Variants in FMNL2 observed in about 807,000 individuals in gnomAD.
The protein encoded by FMNL2 is formin like 2, also known as formin-like protein 2.
A neutral mutation model predicts 130.2 loss-of-function variants in FMNL2; 51 were observed. The observed-to-expected ratio is 0.39, with a 90% CI of 0.31 to 0.49. The LOEUF (loss-of-function observed/expected upper bound fraction) is 0.49. Among genes scored for constraint, FMNL2 ranks in the 20% least tolerant of loss-of-function variants. The probability of loss-of-function intolerance (pLI) is 0.85; values close to 1 mark genes in which losing one functional copy is unlikely to be tolerated. For missense variants in FMNL2, 977 were observed against 1,316.2 expected, an observed-to-expected ratio of 0.74 and a Z score of 3.99; for synonymous variants, 465 against 467.1, an observed-to-expected ratio of 1.00 and a Z score of 0.06.
intron 1 of FMNL2, among the ~76,000 whole-genome samples, chr2:152,369,521 G>A (rs752681134): frequency 2.0e-5 from 3 of 152,186 alleles, no homozygotes; most frequent in Non-Finnish European, 4.4e-5. Context: ...CTGAATCCCT[G>A]CTAATCCTCA....
intron 1 of FMNL2, among the ~76,000 whole-genome samples, chr2:152,505,262 G>A (rs1692099128): frequency 6.6e-6 from 1 of 152,022 alleles, no homozygotes; most frequent in Non-Finnish European, 1.5e-5. Flanking sequence ...CCAGCCACTG[G>A]GTTTCTTGGG....
At chr2:152,601,977 C>T (rs1698105174) in intron 9 of FMNL2, among the ~76,000 whole-genome samples, 1 of 152,140 alleles carries the variant, frequency 6.6e-6, no homozygotes, top group Non-Finnish European at 1.5e-5. Flanking sequence ...GCCTAAGGCT[C>T]TCAACTTGAT....
chr2:152,413,713 G>A (rs80241028), intron 1 of FMNL2, among the ~76,000 whole-genome samples: 10,239 of 152,270 alleles, frequency 0.067, 608 homozygotes, highest in Admixed American at 0.2. Context: ...AGGAACAAGG[G>A]CTTTCTAAAT....
intron 2 of FMNL2, among the ~76,000 whole-genome samples, chr2:152,535,271 A>G (rs1186606443): frequency 6.6e-6 from 1 of 152,104 alleles, no homozygotes; most frequent in South Asian, 2.1e-4. Flanking sequence ...TTTTGTTCCC[A>G]TGTTCCTGAT....
rs900753328 is a variant in FMNL2, at chr2:152,649,303, T to C, written c.*1398T>C. 6.6e-6 allele frequency: 1 copy of C among 152,594 alleles called. No homozygotes were observed. The highest frequency in any genetic ancestry group is 2.4e-5 in the African/African-American group (1 of 41,450). 9.5% of individuals were successfully genotyped at this position (152,594 alleles called of 1,614,324 possible). A position where few individuals can be genotyped will look rare whatever the true frequency, so the allele number is the denominator to read the frequency against. On this transcript the variant is annotated 3_prime_UTR_variant, in exon 26 of 26. Coordinates refer to ENST00000288670, the MANE Select transcript of FMNL2 (RefSeq NM_052905.4). Reference sequence around the variant, plus strand: ...TCTCTTTAATTCCCACCTAAGCCTCTGGGTAATATTGTAAATATTGTTTTA... The same window carrying C: ...TCTCTTTAATTCCCACCTAAGCCTCCGGGTAATATTGTAAATATTGTTTTA...
intron 6 of FMNL2, among the ~76,000 whole-genome samples, chr2:152,567,333 A>G (rs971855234): frequency 6.6e-6 from 1 of 152,210 alleles, no homozygotes; most frequent in African/African-American, 2.4e-5. Flanking sequence ...ACCTTTGATT[A>G]GAGGCTCTGA....
At chr2:152,620,896 G>A (rs1699216559) in intron 15 of FMNL2, 1 of 977,184 alleles carries the variant, frequency 1.0e-6, no homozygotes, top group Middle Eastern at 5.3e-4. Flanking sequence ...TCACAGTAAG[G>A]TCCACAGTAA....
intron 2 of FMNL2, among the ~76,000 whole-genome samples, chr2:152,532,611 A>ATTTTTTTTTTT (rs58777501): frequency 7.3e-6 from 1 of 136,980 alleles, no homozygotes; most frequent in African/African-American, 2.7e-5. Context: ...TTTTTTTCTT[A>ATTTTTTTTTTT]TTTTTTTTTT....
In FMNL2 at chr2:152,347,186, G is replaced by T. The variant is rs376279406; in HGVS notation, c.117+11466G>T. Among the ~76,000 whole-genome samples the T allele has an allele frequency of 2.1e-3, 317 of 152,232 alleles. 1 individual carries two copies. Among genetic ancestry groups the T allele is most frequent in the African/African-American group, 7.4e-3 (308 of 41,540 alleles). ...CCTCCCTCCCTCTTGTTCTTCAGGA[G>T]TGGTGAGACTTGGCTTCTGGTCTCC... On this transcript the variant is annotated intron_variant, in intron 1 of 25. Transcript: ENST00000288670.
chr2:152,549,333 G>A (rs1050281219), intron 4 of FMNL2, among the ~76,000 whole-genome samples: 2 of 152,202 alleles, frequency 1.3e-5, no homozygotes, highest in African/African-American at 2.4e-5. Flanking sequence ...TTGAGCGGGT[G>A]CAGTAAATAT....
chr2:152,635,129 T>G (rs1682482917), intron 21 of FMNL2, among the ~76,000 whole-genome samples: 1 of 152,222 alleles, frequency 6.6e-6, no homozygotes, highest in Admixed American at 6.5e-5. Context: ...TCTCTCAGCT[T>G]ATAAGGCACC....
At chr2:152,634,746 G>T (rs1262769545) in intron 21 of FMNL2, among the ~76,000 whole-genome samples, 2 of 152,176 alleles carry the variant, frequency 1.3e-5, no homozygotes, top group Admixed American at 1.3e-4. Context: ...ATGTGCAGTT[G>T]GGTGTTGTCG....
chr2:152,572,654 T>C (rs1175156762), intron 6 of FMNL2, among the ~76,000 whole-genome samples: 1 of 152,154 alleles, frequency 6.6e-6, no homozygotes, highest in Admixed American at 6.5e-5. Flanking sequence ...AACTGGGCAT[T>C]GTCTCTTGAG....
intron 3 of FMNL2, 148 bp downstream of exon 3, chr2:152,542,967 A>T (rs1694396578): frequency 1.3e-6 from 1 of 793,376 alleles, no homozygotes; most frequent in African/African-American, 1.8e-5. Flanking sequence ...ACAACGTAAG[A>T]AGACAAAGGA....
chr2:152,530,508 G>C (rs949015077), intron 2 of FMNL2, among the ~76,000 whole-genome samples: 11 of 152,148 alleles, frequency 7.2e-5, no homozygotes, highest in Admixed American at 5.2e-4. Flanking sequence ...TACAATTGTA[G>C]CTTCTCCACC....
At chr2:152,400,117 A>G (rs891127987) in intron 1 of FMNL2, among the ~76,000 whole-genome samples, 1 of 152,192 alleles carries the variant, frequency 6.6e-6, no homozygotes, top group South Asian at 2.1e-4. Context: ...TGGAGATGGC[A>G]ACAGATAGAA....
chr2:152,355,720 T>TAC (rs1480813396), intron 1 of FMNL2, among the ~76,000 whole-genome samples: 1 of 152,248 alleles, frequency 6.6e-6, no homozygotes, highest in Non-Finnish European at 1.5e-5. Flanking sequence ...ATCACGCTGT[T>TAC]AAATGATTTC....
At chr2:152,373,413 A>C (rs1683994412) in intron 1 of FMNL2, among the ~76,000 whole-genome samples, 1 of 152,168 alleles carries the variant, frequency 6.6e-6, no homozygotes, top group Non-Finnish European at 1.5e-5. Context: ...TTTCTGAAGC[A>C]CTTTAGTTCA....
chr2:152,411,982 T>C (rs900033815), intron 1 of FMNL2, among the ~76,000 whole-genome samples: 3 of 152,180 alleles, frequency 2.0e-5, no homozygotes, highest in African/African-American at 7.2e-5. Context: ...TTCCCATAGC[T>C]GAGATCATAA....
Sources: gnomAD v4.1 joint callset for allele counts (sites outside exome capture counted in the v4.1 genomes callset) on GRCh38, gnomAD v4.1.1 for gene constraint, MANE v1.5 for transcripts, NCBI Gene and HGNC (gene_info 2026-07-23, HGNC 2026-07-21) for gene names.